The following SLX4 variants were observed in gnomAD, a reference collection of about 807,000 sequenced individuals.
SLX4 encodes the protein SLX4 structure-specific endonuclease subunit.
SLX4 carries 112 observed loss-of-function variants against 146.2 expected under a neutral mutation model. The ratio of observed to expected loss-of-function variants is 0.77; its 90% CI spans 0.66 to 0.90. The LOEUF is 0.90. SLX4 is among the 40% of genes least tolerant of loss of function. The pLI is 0.00. For missense variants in SLX4, 2,563 were observed against 2,392.7 expected, an observed-to-expected ratio of 1.07 and a Z score of -1.49; for synonymous variants, 1,061 against 997.7, an observed-to-expected ratio of 1.06 and a Z score of -1.20.
At position 3,584,874 on chromosome 16, in the gene SLX4, G is replaced by T; in HGVS notation, c.4637-3C>A. ...GTTCTTCTTCCGATTAGCACCTTCT[G>T]GGTAAAACAAAAGAAGCACACGTTT... On this transcript the variant is annotated splice_region_variant and splice_polypyrimidine_tract_variant and intron_variant, in intron 12 of 14. Coordinates refer to ENST00000294008, the MANE Select transcript of SLX4 (RefSeq NM_032444.4). 1 of 1,606,894 alleles carries T rather than the reference G, an allele frequency of 6.2e-7. No individual in the cohort carries two copies. The highest frequency in any genetic ancestry group is 8.5e-7 in the Non-Finnish European group (1 of 1,173,356).
In SLX4 at chr16:3,597,778, C is replaced by T; in HGVS notation, c.1366+19G>A. The T allele has an allele frequency of 6.2e-7, 1 of 1,614,152 alleles. No homozygotes were observed. The highest frequency in any genetic ancestry group is 8.5e-7 in the Non-Finnish European group (1 of 1,180,022). On this transcript the variant is annotated intron_variant, in intron 6 of 14. Transcript: ENST00000294008. The surrounding 1 kb of genome is among the most constrained non-coding windows in gnomAD (Gnocchi z 4.4). ...CTGCTGATGGCCTCTCCCAGGGTCA[C>T]TCTTCTGATCACACAAACCTGCTTC... is the stretch of plus-strand genomic sequence containing the variant.
At chr16:3,585,982 G>A (rs144640772) in intron 12 of SLX4, among the ~76,000 whole-genome samples, 61 of 151,950 alleles carry the variant, frequency 4.0e-4, no homozygotes, top group African/African-American at 1.4e-3. Context: ...CAGCCTGGGC[G>A]ACAGAGCAAG....
At chr16:3,598,106 T>C in intron 5 of SLX4, 107 bp from the exon 6 acceptor site, 1 of 1,312,174 alleles carries the variant, frequency 7.6e-7, no homozygotes, top group East Asian at 2.3e-5. Flanking sequence ...AAGTGACGGA[T>C]GTGGACCTGC....
At chr16:3,585,866 G>T (rs553156206) in intron 12 of SLX4, among the ~76,000 whole-genome samples, 4 of 152,006 alleles carry the variant, frequency 2.6e-5, no homozygotes, top group African/African-American at 9.6e-5. Context: ...ACCAATGTGG[G>T]CAGCTGTTTG....
In SLX4 at chr16:3,596,411, GGA is replaced by G. The variant is rs1297362372; in HGVS notation, c.1684-20_1684-19del. On this transcript the variant is annotated intron_variant, in intron 7 of 14. Coordinates refer to ENST00000294008, the MANE Select transcript of SLX4 (RefSeq NM_032444.4). ...ATAAGGCCCTGAAAGAAGCCAGTAA[GGA>G]GAGTGACCACGTGGTCACTGTCATT... The G allele has an allele frequency of 6.3e-7, 1 of 1,579,606 alleles. No individual in the cohort carries two copies. Among genetic ancestry groups the G allele is most frequent in the Non-Finnish European group, 8.6e-7 (1 of 1,159,456 alleles).
chr16:3,604,345 T>C (rs912480784), intron 3 of SLX4, among the ~76,000 whole-genome samples: 4 of 151,896 alleles, frequency 2.6e-5, no homozygotes, highest in African/African-American at 9.7e-5. Flanking sequence ...GAATCCTTGT[T>C]CAGAAAAAAA....
At chr16:3,606,350 A>G (rs2040782174) in intron 3 of SLX4, 124 bp downstream of exon 3, 1 of 1,068,340 alleles carries the variant, frequency 9.4e-7, no homozygotes, top group Non-Finnish European at 1.5e-6. Context: ...TGGCAAAGGT[A>G]AAACATCAAG....
intron 5 of SLX4, chr16:3,600,713 GC>G: frequency 5.4e-6 from 2 of 371,040 alleles, no homozygotes; most frequent in South Asian, 4.3e-5. Context: ...TGATTCTCCT[GC>G]CTCAGCCTCC....
Position 3,591,157 on chromosome 16 carries a change from C to T in SLX4, c.2481G>A (p.Glu827=), listed in dbSNP as rs746049343. 6.2e-7 allele frequency: 1 copy of T among 1,614,224 alleles called. No homozygotes were observed. Among genetic ancestry groups the T allele is most frequent in the East Asian group, 2.2e-5 (1 of 44,890 alleles). ...ATTTCAACAAAGTCTCCGCTTCCTCCTCTTCATCTGCCCACATTGACCTCA... is the reference window on the plus strand; with the variant it reads ...ATTTCAACAAAGTCTCCGCTTCCTCTTCTTCATCTGCCCACATTGACCTCA... ...ELLRSMWADE[E]EEAETLLKSK... is the part of the protein sequence containing the mutation. The change falls in exon 12 of 15, where the codon GAG becomes GAA. Residue 827 remains glutamate, a synonymous_variant. Coordinates refer to ENST00000294008, the MANE Select transcript of SLX4 (RefSeq NM_032444.4).
intron 1 of SLX4, among the ~76,000 whole-genome samples, chr16:3,610,989 T>A (rs1452024865): frequency 1.3e-5 from 2 of 151,052 alleles, no homozygotes; most frequent in Non-Finnish European, 3.0e-5. Flanking sequence ...GATCTCCGCA[T>A]CTCTGTTGAT....
intron 10 of SLX4, among the ~76,000 whole-genome samples, chr16:3,594,170 C>A (rs1288052546): frequency 6.6e-6 from 1 of 152,154 alleles, no homozygotes; most frequent in East Asian, 1.9e-4. Flanking sequence ...CCCGGCCAAA[C>A]AATGGATTTT....
chr16:3,585,161 T>C (rs1357945171), intron 12 of SLX4, among the ~76,000 whole-genome samples: 1 of 152,168 alleles, frequency 6.6e-6, no homozygotes, highest in Non-Finnish European at 1.5e-5. Context: ...AACTTATGCA[T>C]GTAAACTTAA....
intron 5 of SLX4, among the ~76,000 whole-genome samples, chr16:3,600,188 G>A (rs561890664): frequency 2.0e-5 from 3 of 152,308 alleles, no homozygotes; most frequent in South Asian, 2.1e-4. Flanking sequence ...ATGCATGTGC[G>A]GCTCACAACA....
At chr16:3,600,157 G>A (rs915567477) in intron 5 of SLX4, among the ~76,000 whole-genome samples, 1 of 152,210 alleles carries the variant, frequency 6.6e-6, no homozygotes, top group African/African-American at 2.4e-5. Context: ...ATTTTCATAA[G>A]GAGAGCTCAA....
In SLX4 at chr16:3,590,550, G is replaced by A. The variant is rs2151124370; in HGVS notation, c.3088C>T (p.Pro1030Ser). 6.2e-7 allele frequency: 1 copy of A among 1,612,786 alleles called. No homozygotes were observed. The highest frequency in any genetic ancestry group is 8.5e-7 in the Non-Finnish European group (1 of 1,178,832). Residue 1030 changes from proline (P) to serine (S), a missense_variant, in exon 12 of 15, where the codon CCG (proline) becomes TCG (serine). Physicochemically the swap from Pro to Ser is moderately conservative, Grantham distance 74. Transcript: ENST00000294008. This position sits in a 1 kb window ranked among gnomAD's most constrained non-coding sequence, Gnocchi z 4.8. ...CCCAATAGGAAGCGGCACGGGTGCG[G>A]TGGAGATGCCTGCCAGGGAGCCAGG... ...HRLAPWQASPPHPCRFLLGPP... is the reference protein window; with the variant it reads ...HRLAPWQASPSHPCRFLLGPP...
chr16:3,603,411 T>C (rs2040749468), intron 3 of SLX4, among the ~76,000 whole-genome samples: 1 of 152,198 alleles, frequency 6.6e-6, no homozygotes, highest in Admixed American at 6.5e-5. Context: ...GATGTGAAGA[T>C]ACAGAGAGAA....
At chr16:3,592,566 G>T in intron 11 of SLX4, 133 bp downstream of exon 11, 2 of 1,089,578 alleles carry the variant, frequency 1.8e-6, no homozygotes, top group Non-Finnish European at 2.7e-6. Flanking sequence ...TCATGGACTT[G>T]GGATTAAAAG....
intron 12 of SLX4, among the ~76,000 whole-genome samples, chr16:3,586,447 G>C (rs908079027): frequency 6.6e-6 from 1 of 152,030 alleles, no homozygotes; most frequent in Non-Finnish European, 1.5e-5. Context: ...CTTGAGCCTG[G>C]GAGGTCGAGG....
In SLX4 at chr16:3,582,555, C is replaced by T. The variant is rs1324444735; in HGVS notation, c.5292G>A (p.Pro1764=). The T allele has an allele frequency of 8.1e-6, 13 of 1,613,710 alleles. No individual in the cohort carries two copies. Among genetic ancestry groups the T allele is most frequent in the Middle Eastern group, 1.6e-4 (1 of 6,084 alleles). The change falls in exon 15 of 15, where the codon CCG becomes CCA. Residue 1764 remains proline, a synonymous_variant. Transcript: ENST00000294008. Reference sequence around the variant, plus strand: ...ACAGCAGCACCTTCTGGTACAGGGCCGGCTTGGAGCGGATGTAGCACCTCA... The same window carrying T: ...ACAGCAGCACCTTCTGGTACAGGGCTGGCTTGGAGCGGATGTAGCACCTCA... ...EALRCYIRSK[P]ALYQKVLLYQ... is the part of the protein sequence containing the mutation.
Sources: gnomAD v4.1 joint callset for allele counts (sites outside exome capture counted in the v4.1 genomes callset) on GRCh38, gnomAD v4.1.1 for gene constraint, Gnocchi (gnomAD v3.1) non-coding constraint, MANE v1.5 for transcripts, NCBI Gene and HGNC (gene_info 2026-07-23, HGNC 2026-07-21) for gene names.